FREM3: variants seen among roughly 807,000 people sequenced by gnomAD.
The protein encoded by FREM3 is FRAS1 related extracellular matrix 3, also known as FRAS1-related extracellular matrix protein 3.
In FREM3, 105 loss-of-function variants were observed where a neutral mutation model predicts 129.1. The ratio of observed to expected loss-of-function variants is 0.81; its 90% CI spans 0.69 to 0.96. The LOEUF is 0.96. Among genes scored for constraint, FREM3 ranks in the 40% least tolerant of loss-of-function variants. The pLI, the probability that FREM3 is intolerant of heterozygous loss-of-function variation, is 0.00. For synonymous variants in FREM3, 1,014 were observed against 1,044.9 expected, an observed-to-expected ratio of 0.97 and a Z score of 0.57; for missense variants, 2,593 against 2,666.3, an observed-to-expected ratio of 0.97 and a Z score of 0.61.
chr4:143,596,315 C>G (rs556047201), intron 6 of FREM3, among the ~76,000 whole-genome samples: 4 of 152,234 alleles, frequency 2.6e-5, no homozygotes, highest in African/African-American at 9.6e-5. Context: ...AAAGGTATTG[C>G]AATTATTCAT....
At chr4:143,592,646 C>T (rs1483787026) in intron 6 of FREM3, among the ~76,000 whole-genome samples, 7 of 152,132 alleles carry the variant, frequency 4.6e-5, no homozygotes, top group South Asian at 4.1e-4. Flanking sequence ...GTGGGTAACC[C>T]GACCTTTCTC....
intron 5 of FREM3, among the ~76,000 whole-genome samples, chr4:143,617,322 C>T (rs2149840449): frequency 6.6e-6 from 1 of 152,164 alleles, no homozygotes; most frequent in East Asian, 1.9e-4. Context: ...TAGATACTTG[C>T]ATCTAGTATA....
At position 143,700,659 on chromosome 4, in the gene FREM3, C is replaced by A; in HGVS notation, c.17G>T (p.Arg6Leu). The A allele has an allele frequency of 7.0e-7, 1 of 1,426,430 alleles. No individual in the cohort carries two copies. Among genetic ancestry groups the A allele is most frequent in the Non-Finnish European group, 9.1e-7 (1 of 1,095,236 alleles). 88.4% of individuals were successfully genotyped at this position (1,426,430 alleles called of 1,614,324 possible). Residue 6 changes from arginine (R) to leucine (L), a missense_variant, in exon 1 of 8, where the codon CGG becomes CTG. This residue lies in a region of FREM3 where 2,276 missense variants were observed against 2,267.2 expected (regional missense o/e 1.00). Transcript: ENST00000329798. The stretch of plus-strand genomic sequence containing the variant: ...CTGCCGGGGCGTCCCAGTCGGGTGC[C>A]GAGAAGCCCCCGCCATGGCCACGGA... MAGAS[R>L]HPTGTPRQLL...
chr4:143,585,341 G>A lies in FREM3; in HGVS notation c.6178+503C>T, dbSNP rs189849121. ...GGTACTCTAGAGGAAATGATATCTA[G>A]AATTGTGCCATGCTGTCAGCTAGGC... On this transcript the variant is annotated intron_variant, in intron 7 of 7. Coordinates refer to ENST00000329798, the MANE Select transcript of FREM3 (RefSeq NM_001168235.2). This position sits in a 1 kb window ranked among gnomAD's most constrained non-coding sequence, Gnocchi z 4.2. Among the ~76,000 whole-genome samples the A allele has an allele frequency of 1.3e-3, 205 of 152,256 alleles. No homozygotes were observed. Among genetic ancestry groups the A allele is most frequent in the Non-Finnish European group, 2.1e-3 (143 of 68,014 alleles).
At chr4:143,597,801 G>C (rs1251792372) in intron 6 of FREM3, among the ~76,000 whole-genome samples, 6 of 152,154 alleles carry the variant, frequency 3.9e-5, no homozygotes, top group Non-Finnish European at 7.3e-5. Flanking sequence ...GACATCCTGT[G>C]TTCATTAAAA....
intron 6 of FREM3, among the ~76,000 whole-genome samples, chr4:143,608,450 T>C (rs1738701856): frequency 1.3e-5 from 2 of 152,188 alleles, no homozygotes; most frequent in Non-Finnish European, 2.9e-5. Context: ...GGGTGCTTTA[T>C]GCCTGTCTCT....
At chr4:143,586,039 G>A in intron 6 of FREM3, 46 bp from the exon 7 acceptor site, 1 of 1,527,322 alleles carries the variant, frequency 6.5e-7, no homozygotes, top group Admixed American at 2.0e-5. Flanking sequence ...CAGCCTGCCT[G>A]GTATACTGTC....
Position 143,700,154 on chromosome 4 carries a change from C to A in FREM3, c.522G>T (p.Arg174Ser). ...TTCGCAGCTTCTCCACTACCAAAGG[C>A]CTGTTACGCGTCACCAGCTCCAGCT... is the stretch of plus-strand genomic sequence containing the variant. ...FSQLELVTRN[R>S]PLVVEKLRSW... is the part of the protein sequence containing the mutation. Residue 174 changes from arginine (R) to serine (S), a missense_variant, in exon 1 of 8, where the codon AGG becomes AGT. Arg to Ser is a moderately radical substitution (Grantham distance 110). Around this residue, in one of 2 missense-constraint regions of FREM3, gnomAD observed 2,276 missense variants for 2,267.2 expected, o/e 1.00. Transcript: ENST00000329798. 1 of 1,537,062 alleles carries A rather than the reference C, an allele frequency of 6.5e-7. No homozygotes were observed. Among genetic ancestry groups the A allele is most frequent in the Non-Finnish European group, 8.7e-7 (1 of 1,146,916 alleles).
chr4:143,581,653 C>T (rs1338385269), intron 7 of FREM3, among the ~76,000 whole-genome samples: 1 of 152,204 alleles, frequency 6.6e-6, no homozygotes, highest in African/African-American at 2.4e-5. Flanking sequence ...GCTTTACTCA[C>T]ACCTCTACCG....
chr4:143,661,335 T>A (rs1046277857), intron 2 of FREM3, among the ~76,000 whole-genome samples: 13 of 152,238 alleles, frequency 8.5e-5, no homozygotes, highest in Non-Finnish European at 2.9e-5. Context: ...TTTCTGCATC[T>A]ATTGAGATAA....
intron 4 of FREM3, among the ~76,000 whole-genome samples, chr4:143,622,967 A>G (rs1738977574): frequency 6.6e-6 from 1 of 152,176 alleles, no homozygotes; most frequent in African/African-American, 2.4e-5. Flanking sequence ...GTTGTTCTCA[A>G]CAAAACTGGT....
chr4:143,593,472 A>T (rs1438034542), intron 6 of FREM3, among the ~76,000 whole-genome samples: 9 of 149,156 alleles, frequency 6.0e-5, no homozygotes, highest in Admixed American at 1.3e-4. Context: ...CCTCAGCTGC[A>T]GGTCTGTTGG....
intron 6 of FREM3, among the ~76,000 whole-genome samples, chr4:143,595,610 G>A (rs1341184071): frequency 1.3e-5 from 2 of 152,108 alleles, no homozygotes; most frequent in South Asian, 2.1e-4. Context: ...GAAGGGAGCC[G>A]GGCACCGTGG....
intron 2 of FREM3, among the ~76,000 whole-genome samples, chr4:143,633,023 C>T (rs1181967920): frequency 1.3e-5 from 2 of 152,126 alleles, no homozygotes; most frequent in African/African-American, 4.8e-5. Context: ...TAGCTTGAGA[C>T]TTTGATTTAA....
intron 5 of FREM3, among the ~76,000 whole-genome samples, chr4:143,619,833 TG>T (rs1738915434): frequency 6.6e-6 from 1 of 152,024 alleles, no homozygotes. Context: ...AAATGATTAG[TG>T]CACCATCAGT....
At chr4:143,643,032 A>G (rs1226714904) in intron 2 of FREM3, among the ~76,000 whole-genome samples, 1 of 152,216 alleles carries the variant, frequency 6.6e-6, no homozygotes. Context: ...AATATCACTA[A>G]TTATCAAGGA....
At chr4:143,605,631 A>G (rs1578831626) in intron 6 of FREM3, among the ~76,000 whole-genome samples, 1 of 152,200 alleles carries the variant, frequency 6.6e-6, no homozygotes, top group East Asian at 1.9e-4. Context: ...CAGGATATGC[A>G]CTGGATTAAT....
chr4:143,644,764 T>C (rs1188419021), intron 2 of FREM3, among the ~76,000 whole-genome samples: 1 of 152,188 alleles, frequency 6.6e-6, no homozygotes, highest in African/African-American at 2.4e-5. Flanking sequence ...AACTTTATAG[T>C]ACAAGCTATA....
At chr4:143,637,237 A>G (rs750201605) in intron 2 of FREM3, among the ~76,000 whole-genome samples, 97 of 146,110 alleles carry the variant, frequency 6.6e-4, no homozygotes, top group Non-Finnish European at 1.3e-3. Context: ...TTACATGTCT[A>G]CAGATGATAA....
Sources: gnomAD v4.1 joint callset for allele counts (sites outside exome capture counted in the v4.1 genomes callset) on GRCh38, gnomAD v4.1.1 for gene constraint, gnomAD v4.1.1 regional missense constraint, Gnocchi (gnomAD v3.1) non-coding constraint, MANE v1.5 for transcripts, NCBI Gene and HGNC (gene_info 2026-07-23, HGNC 2026-07-21) for gene names.